Variants in PCDHA1 observed in about 807,000 individuals in gnomAD.
The protein encoded by PCDHA1 is protocadherin alpha-1.
A neutral mutation model predicts 61.3 loss-of-function variants in PCDHA1; 42 were observed. The observed-to-expected ratio is 0.69, with a 90% CI of 0.54 to 0.89. The LOEUF is 0.89. Among genes scored for constraint, PCDHA1 ranks in the 40% least tolerant of loss-of-function variants. The pLI, the probability that PCDHA1 is intolerant of heterozygous loss-of-function variation, is 0.00. For synonymous variants in PCDHA1, 610 were observed against 553.8 expected, an observed-to-expected ratio of 1.10 and a Z score of -1.43; for missense variants, 1,256 against 1,235.3, an observed-to-expected ratio of 1.02 and a Z score of -0.25.
In PCDHA1 at chr5:140,796,825, C is replaced by G. The variant is rs782395206; in HGVS notation, c.2394+8141C>G. 12 of 1,613,996 alleles carry G rather than the reference C, an allele frequency of 7.4e-6. No homozygotes were observed. Among genetic ancestry groups the G allele is most frequent in the Non-Finnish European group, 1.0e-5 (12 of 1,179,994 alleles). ...GCTGGGTACTGGCAGCGCTCGCATC[C>G]CGTTCCGCGTGGGGCTATACACGGG... On this transcript the variant is annotated intron_variant, in intron 1 of 3. Coordinates refer to ENST00000504120, the MANE Select transcript of PCDHA1 (RefSeq NM_018900.4).
At position 140,870,179 on chromosome 5, in the gene PCDHA1, G is replaced by C. The variant is rs184228916; in HGVS notation, c.2394+81495G>C. ...GTGACTTCCTTGTCCCTCCCAGTACGAGAGGACGCTCAGCCCAGCACGGTC... is the reference window on the plus strand; with the variant it reads ...GTGACTTCCTTGTCCCTCCCAGTACCAGAGGACGCTCAGCCCAGCACGGTC... On this transcript the variant is annotated intron_variant, in intron 1 of 3. Transcript: ENST00000504120. 4.9e-4 allele frequency: 783 copies of C among 1,614,104 alleles called. 1 individual carries two copies. In the African/African-American group the frequency reaches 9.2e-3, roughly 19 times the overall value.
chr5:140,815,543 ATAGT>A (rs1234366638), intron 1 of PCDHA1: 1 of 124,338 alleles, frequency 8.0e-6, no homozygotes, highest in East Asian at 2.3e-4. Flanking sequence ...ACATTATTTT[ATAGT>A]TAGTTTTTCT....
At position 140,884,470 on chromosome 5, in the gene PCDHA1, G is replaced by A. The variant is rs1453696477; in HGVS notation, c.2395-94479G>A. The A allele has an allele frequency of 2.5e-6, 4 of 1,613,644 alleles. No homozygotes were observed. Among genetic ancestry groups the A allele is most frequent in the South Asian group, 2.2e-5 (2 of 91,036 alleles). On this transcript the variant is annotated intron_variant, in intron 1 of 3. Coordinates refer to ENST00000504120, the MANE Select transcript of PCDHA1 (RefSeq NM_018900.4). The stretch of plus-strand genomic sequence containing the variant: ...CGCCCACCGAGGGCGCGTGCGCGCC[G>A]GGCAAGCCCACTCTAGTGTGCTCCA...
chr5:140,904,742 T>G (rs1300439121), intron 1 of PCDHA1, among the ~76,000 whole-genome samples: 1 of 152,216 alleles, frequency 6.6e-6, no homozygotes, highest in African/African-American at 2.4e-5. Context: ...TTTTTTATTA[T>G]GACCATTTTT....
chr5:141,000,375 C>G (rs1253953172), intron 3 of PCDHA1, among the ~76,000 whole-genome samples: 8 of 57,690 alleles, frequency 1.4e-4, no homozygotes, highest in Non-Finnish European at 1.9e-4. Context: ...CTCTCTCTCT[C>G]TCTCTCTCTC....
rs1291498310 is a variant in PCDHA1, at chr5:140,946,680, G to A, written c.2395-32269G>A. Among the ~76,000 whole-genome samples, 6 of 145,092 alleles carry A rather than the reference G, an allele frequency of 4.1e-5. No homozygotes were observed. In the East Asian group the frequency reaches 9.9e-4, roughly 24 times the overall value. On this transcript the variant is annotated intron_variant, in intron 1 of 3. Coordinates refer to ENST00000504120, the MANE Select transcript of PCDHA1 (RefSeq NM_018900.4). ...TAGAAAGAATGAAATCCTGTCATTCGTGACAATATGGATGAATCTGGAGGT... is the reference window on the plus strand; with the variant it reads ...TAGAAAGAATGAAATCCTGTCATTCATGACAATATGGATGAATCTGGAGGT...
At chr5:140,854,216 A>G in intron 1 of PCDHA1, 1 of 633,308 alleles carries the variant, frequency 1.6e-6, no homozygotes, top group Non-Finnish European at 2.0e-6. Flanking sequence ...TCAATATTGG[A>G]CATCTACATT....
chr5:140,791,151 A>G lies in PCDHA1; in HGVS notation c.2394+2467A>G, dbSNP rs375499274. Among the ~76,000 whole-genome samples, 42 of 152,338 alleles carry G rather than the reference A, an allele frequency of 2.8e-4. 1 individual carries two copies. The East Asian group carries it at 6.5e-3, about 24-fold the overall frequency. On this transcript the variant is annotated intron_variant, in intron 1 of 3. Transcript: ENST00000504120. ...GGATGCAAATAGATGAAAATGAGAAATAGTTTATATTGCTAGCCACTACCG... is the reference window on the plus strand; with the variant it reads ...GGATGCAAATAGATGAAAATGAGAAGTAGTTTATATTGCTAGCCACTACCG...
chr5:140,831,488 T>TGG (rs60766535), intron 1 of PCDHA1, among the ~76,000 whole-genome samples: 58 of 148,696 alleles, frequency 3.9e-4, no homozygotes, highest in African/African-American at 1.2e-3. Context: ...GCCTCTGGAG[T>TGG]TACTACACAC....
chr5:140,869,252 A>G (rs1204781858), intron 1 of PCDHA1: 2 of 1,613,490 alleles, frequency 1.2e-6, no homozygotes, highest in African/African-American at 2.7e-5. Flanking sequence ...CGCATCGCGC[A>G]GGACCTGGGG....
chr5:140,915,367 G>A lies in PCDHA1; in HGVS notation c.2395-63582G>A, dbSNP rs185020793. On this transcript the variant is annotated intron_variant, in intron 1 of 3. Coordinates refer to ENST00000504120, the MANE Select transcript of PCDHA1 (RefSeq NM_018900.4). Reference sequence around the variant, plus strand: ...TCTGTATGCCTATTCTTACCAGTAAGTGTCTCGGCATTGAAGAGCTAGGTA... The same window carrying A: ...TCTGTATGCCTATTCTTACCAGTAAATGTCTCGGCATTGAAGAGCTAGGTA... Among the ~76,000 whole-genome samples, 5 of 152,278 alleles carry A rather than the reference G, an allele frequency of 3.3e-5. No individual in the cohort carries two copies. In the East Asian group the frequency reaches 9.7e-4, roughly 29 times the overall value.
intron 1 of PCDHA1, chr5:140,828,334 T>C (rs2150154149): frequency 1.9e-6 from 3 of 1,614,224 alleles, no homozygotes; most frequent in East Asian, 4.5e-5. Context: ...ATCTGCAGAA[T>C]GGCATTTTGT....
chr5:140,822,135 G>A (rs2150113933), intron 1 of PCDHA1: 6 of 1,614,254 alleles, frequency 3.7e-6, no homozygotes, highest in East Asian at 2.2e-5. Context: ...ATGTGGAGGT[G>A]GCAGTGAAGG....
At chr5:140,937,829 A>G (rs1305110198) in intron 1 of PCDHA1, among the ~76,000 whole-genome samples, 2 of 148,988 alleles carry the variant, frequency 1.3e-5, no homozygotes, top group African/African-American at 2.5e-5. Context: ...GGAGAATGGC[A>G]TGAACCTGGA....
At chr5:140,845,035 G>A (rs1427311138) in intron 1 of PCDHA1, among the ~76,000 whole-genome samples, 3 of 149,148 alleles carry the variant, frequency 2.0e-5, no homozygotes, top group Middle Eastern at 3.4e-3. Context: ...GCATATTTTA[G>A]CCCCCTTGTC....
At chr5:141,004,362 C>T (rs1357216048) in intron 3 of PCDHA1, among the ~76,000 whole-genome samples, 1 of 152,186 alleles carries the variant, frequency 6.6e-6, no homozygotes, top group Non-Finnish European at 1.5e-5. Flanking sequence ...AGAGACCACA[C>T]CTTGTTCTGC....
intron 3 of PCDHA1, among the ~76,000 whole-genome samples, chr5:140,997,698 ATGTT>A (rs1297045627): frequency 1.4e-5 from 2 of 145,558 alleles, no homozygotes; most frequent in African/African-American, 5.1e-5. Flanking sequence ...GTGTGTGTGT[ATGTT>A]AACAAACACC....
At chr5:140,829,229 G>T (rs1554131821) in intron 1 of PCDHA1, 11 of 1,614,240 alleles carry the variant, frequency 6.8e-6, no homozygotes, top group Non-Finnish European at 8.5e-6. Flanking sequence ...CCTCGATTCA[G>T]GTGCCAACGG....
chr5:140,841,171 G>T, intron 1 of PCDHA1: 2 of 993,678 alleles, frequency 2.0e-6, no homozygotes, highest in Admixed American at 2.8e-5. Context: ...AGTTCTGGTT[G>T]GTCAATGTTC....
Sources: allele counts gnomAD v4.1 joint callset (sites outside exome capture counted in the v4.1 genomes callset), GRCh38; gene constraint gnomAD v4.1.1; transcripts MANE v1.5; gene names NCBI Gene and HGNC (gene_info 2026-07-23, HGNC 2026-07-21).